Variants in ZNF570 observed in about 807,000 individuals in gnomAD.
ZNF570 encodes zinc finger protein 570.
Under a neutral mutation model 14.2 loss-of-function variants are expected in ZNF570, and 8 were observed. The ratio of observed to expected loss-of-function variants is 0.56; its 90% CI spans 0.33 to 1.02. ZNF570 has a LOEUF of 1.02. Among genes scored for constraint, ZNF570 ranks in the 50% least tolerant of loss-of-function variants. The pLI, the probability that ZNF570 is intolerant of heterozygous loss-of-function variation, is 0.03. For synonymous variants in ZNF570, 202 were observed against 207.6 expected, an observed-to-expected ratio of 0.97 and a Z score of 0.23; for missense variants, 559 against 624.9, an observed-to-expected ratio of 0.89 and a Z score of 1.12.
At chr19:37,480,617 T>C (rs1408223379) in intron 4 of ZNF570, among the ~76,000 whole-genome samples, 1 of 152,218 alleles carries the variant, frequency 6.6e-6, no homozygotes, top group Admixed American at 6.5e-5. Flanking sequence ...CATTATTATA[T>C]TTATTTAATT....
chr19:37,479,343 A>G (rs914060194), intron 4 of ZNF570, among the ~76,000 whole-genome samples: 8 of 152,086 alleles, frequency 5.3e-5, no homozygotes, highest in African/African-American at 1.9e-4. Context: ...TAATTGTATT[A>G]TGGTTAGAGA....
Position 37,485,292 on chromosome 19 carries a change from C to G in ZNF570, c.*59C>G. ...TGTTTTTTATCTTTAATGTTGTCACCTTGGTCTGATTCATCTCACTCTGAT... is the reference window on the plus strand; with the variant it reads ...TGTTTTTTATCTTTAATGTTGTCACGTTGGTCTGATTCATCTCACTCTGAT... On this transcript the variant is annotated 3_prime_UTR_variant, in exon 5 of 5. Transcript: ENST00000330173. The G allele has an allele frequency of 2.1e-6, 3 of 1,448,376 alleles. No homozygotes were observed. Among genetic ancestry groups the G allele is most frequent in the Non-Finnish European group, 2.7e-6 (3 of 1,091,492 alleles). The allele number at this position is 1,448,376 out of a possible 1,614,324, so 89.7% of individuals were successfully genotyped here. A position where few individuals can be genotyped will look rare whatever the true frequency, so the allele number is the denominator to read the frequency against.
chr19:37,477,078 G>T (rs2042034415), intron 4 of ZNF570, among the ~76,000 whole-genome samples: 1 of 151,972 alleles, frequency 6.6e-6, no homozygotes, highest in African/African-American at 2.4e-5. Flanking sequence ...TCAACCTGAG[G>T]GATCTGATGC....
In ZNF570 at chr19:37,486,921, TG is replaced by T. The variant is rs1450046642; in HGVS notation, c.*1690del. The T allele has an allele frequency of 6.6e-6, 1 of 152,270 alleles. No homozygotes were observed. The highest frequency in any genetic ancestry group is 6.5e-5 in the Admixed American group (1 of 15,302). 9.4% of individuals were successfully genotyped at this position (152,270 alleles called of 1,614,324 possible). A position where few individuals can be genotyped will look rare whatever the true frequency, so the allele number is the denominator to read the frequency against. On this transcript the variant is annotated 3_prime_UTR_variant, in exon 5 of 5. Coordinates refer to ENST00000330173, the MANE Select transcript of ZNF570 (RefSeq NM_144694.5). Reference sequence around the variant, plus strand: ...ATCCCCTTAAATAGGCACCACACCCTGGCCAGGTGCAGTAGCTCATTCCTGT... The same window carrying T: ...ATCCCCTTAAATAGGCACCACACCCTGCCAGGTGCAGTAGCTCATTCCTGT...
intron 4 of ZNF570, among the ~76,000 whole-genome samples, chr19:37,479,738 C>T (rs2042065690): frequency 6.6e-6 from 1 of 151,894 alleles, no homozygotes; most frequent in Non-Finnish European, 1.5e-5. Context: ...ATTATTGTTA[C>T]TCTCTTTAAT....
chr19:37,470,761 C>G (rs1192590500), intron 2 of ZNF570, among the ~76,000 whole-genome samples: 1 of 131,218 alleles, frequency 7.6e-6, no homozygotes, highest in African/African-American at 3.0e-5. Context: ...AGTGCAGTGG[C>G]GCAATATGGC....
At chr19:37,480,031 C>T (rs2042068857) in intron 4 of ZNF570, among the ~76,000 whole-genome samples, 1 of 152,060 alleles carries the variant, frequency 6.6e-6, no homozygotes, top group Admixed American at 6.6e-5. Flanking sequence ...TAAATTGTGC[C>T]TTTTCAAATT....
intron 2 of ZNF570, among the ~76,000 whole-genome samples, chr19:37,470,954 C>A (rs149303876): frequency 0.029 from 4,354 of 149,710 alleles, 200 homozygotes; most frequent in African/African-American, 0.093. Context: ...CCTGCCTCGG[C>A]CTCCCAAAGT....
intron 2 of ZNF570, among the ~76,000 whole-genome samples, chr19:37,470,695 CTTTTTT>C (rs760686313): frequency 5.4e-5 from 5 of 93,010 alleles, no homozygotes; most frequent in African/African-American, 1.7e-4. Flanking sequence ...CTTATTTATT[CTTTTTT>C]TTTTTTTTTT....
At position 37,469,489 on chromosome 19, in the gene ZNF570, C is replaced by G; in HGVS notation, c.-120C>G. On this transcript the variant is annotated 5_prime_UTR_variant, in exon 1 of 5. Coordinates refer to ENST00000330173, the MANE Select transcript of ZNF570 (RefSeq NM_144694.5). ...TTCTGTTCTGCAGGTCGGGAGTGGG[C>G]TGAGGAGTGGCGTGTGGGTCTCCGG... is the stretch of plus-strand genomic sequence containing the variant. The G allele has an allele frequency of 6.5e-7, 1 of 1,536,460 alleles. No homozygotes were observed. The highest frequency in any genetic ancestry group is 1.2e-5 in the South Asian group (1 of 84,062).
At position 37,484,512 on chromosome 19, in the gene ZNF570, C is replaced by T; in HGVS notation, c.890C>T (p.Thr297Ile). 6.2e-7 allele frequency: 1 copy of T among 1,613,952 alleles called. No individual in the cohort carries two copies. Among genetic ancestry groups the T allele is most frequent in the Non-Finnish European group, 8.5e-7 (1 of 1,179,958 alleles). The change falls in exon 5 of 5, where the codon ACT becomes ATT. Residue 297 changes from threonine to isoleucine, a missense_variant. Thr to Ile is a moderately conservative substitution (Grantham distance 89). Coordinates refer to ENST00000330173, the MANE Select transcript of ZNF570 (RefSeq NM_144694.5). ...CTAGTTCAACATCTGCGAGTTCATA[C>T]TGGAGAAAAACCTTACGAATGTAAG... ...AHLVQHLRVH[T>I]GEKPYECKVC... is the part of the protein sequence containing the mutation.
intron 2 of ZNF570, among the ~76,000 whole-genome samples, chr19:37,474,496 G>C (rs1244466278): frequency 1.3e-5 from 2 of 152,156 alleles, no homozygotes; most frequent in Non-Finnish European, 2.9e-5. Context: ...GTCTTGCTGT[G>C]TTGCCCAGGC....
chr19:37,483,734 T>A (rs1488970829), intron 4 of ZNF570, 145 bp from the exon 5 acceptor site: 1 of 744,322 alleles, frequency 1.3e-6, no homozygotes, highest in Admixed American at 3.3e-5. Flanking sequence ...CAGTTTCTCT[T>A]CTTGTACACT....
chr19:37,469,202 G>C, upstream of ZNF570: 1 of 1,278,236 alleles, frequency 7.8e-7, no homozygotes, highest in Non-Finnish European at 1.0e-6. Context: ...GTGGGGAGGA[G>C]GCCGTGTTAC....
rs1264100753 is a variant in ZNF570 at position 37,485,623 on chromosome 19, A to G, written c.*390A>G. 1 of 162,370 alleles carries G rather than the reference A, an allele frequency of 6.2e-6. No individual in the cohort carries two copies. The highest frequency in any genetic ancestry group is 2.4e-5 in the African/African-American group (1 of 41,608). The allele number at this position is 162,370 out of a possible 1,614,324, so 10.1% of individuals were successfully genotyped here. On this transcript the variant is annotated 3_prime_UTR_variant, in exon 5 of 5. Coordinates refer to ENST00000330173, the MANE Select transcript of ZNF570 (RefSeq NM_144694.5). ...TTTTTAGTAGAGATGGGGTTTTGCC[A>G]TGTTGGCCAGGCTGGTCTTGAACTC...
chr19:37,476,328 C>A lies in ZNF570; in HGVS notation c.161-11C>A. The A allele has an allele frequency of 6.3e-7, 1 of 1,590,294 alleles. No individual in the cohort carries two copies. Among genetic ancestry groups the A allele is most frequent in the Non-Finnish European group, 8.5e-7 (1 of 1,172,062 alleles). ...ATGACAAAACTCTACTTTTTTTTTT[C>A]GTATTTGCAGGACTTTGCTTTTCCA... On this transcript the variant is annotated splice_polypyrimidine_tract_variant and intron_variant, in intron 3 of 4. Coordinates refer to ENST00000330173, the MANE Select transcript of ZNF570 (RefSeq NM_144694.5).
chr19:37,478,601 T>C (rs1388801048), intron 4 of ZNF570, among the ~76,000 whole-genome samples: 1 of 143,444 alleles, frequency 7.0e-6, no homozygotes, highest in Non-Finnish European at 1.6e-5. Context: ...ATAACAGGCA[T>C]TCTTGTCCAC....
intron 4 of ZNF570, among the ~76,000 whole-genome samples, chr19:37,479,645 A>G (rs2042064284): frequency 6.6e-6 from 1 of 152,138 alleles, no homozygotes. Flanking sequence ...TTGTAATTGT[A>G]ACAGCAGTTT....
Position 37,484,511 on chromosome 19 carries a change from A to G in ZNF570, c.889A>G (p.Thr297Ala). Reference sequence around the variant, plus strand: ...CCTAGTTCAACATCTGCGAGTTCATACTGGAGAAAAACCTTACGAATGTAA... The same window carrying G: ...CCTAGTTCAACATCTGCGAGTTCATGCTGGAGAAAAACCTTACGAATGTAA... ...AHLVQHLRVH[T>A]GEKPYECKVC... Residue 297 changes from threonine to alanine, a missense_variant, in exon 5 of 5, where the codon ACT (threonine) becomes GCT (alanine). Coordinates refer to ENST00000330173, the MANE Select transcript of ZNF570 (RefSeq NM_144694.5). 6.2e-7 allele frequency: 1 copy of G among 1,614,028 alleles called. No homozygotes were observed. The highest frequency in any genetic ancestry group is 8.5e-7 in the Non-Finnish European group (1 of 1,179,972).
Sources: allele counts gnomAD v4.1 joint callset (sites outside exome capture counted in the v4.1 genomes callset), GRCh38; gene constraint gnomAD v4.1.1; transcripts MANE v1.5; gene names NCBI Gene and HGNC (gene_info 2026-07-23, HGNC 2026-07-21).